RIMS2: variants seen among roughly 807,000 people sequenced by gnomAD.
RIMS2 encodes regulating synaptic membrane exocytosis protein 2.
RIMS2 carries 59 observed loss-of-function variants against 174.4 expected under a neutral mutation model. The observed-to-expected ratio is 0.34, with a 90% CI of 0.27 to 0.42. The LOEUF (loss-of-function observed/expected upper bound fraction) is 0.42. RIMS2 is among the 10% of genes least tolerant of loss of function. The pLI is 1.00. For missense variants in RIMS2, 1,620 were observed against 1,666.3 expected, an observed-to-expected ratio of 0.97 and a Z score of 0.48; for synonymous variants, 606 against 572.5, an observed-to-expected ratio of 1.06 and a Z score of -0.84.
chr8:103,787,784 G>A (rs369488023), intron 3 of RIMS2, among the ~76,000 whole-genome samples: 115 of 152,070 alleles, frequency 7.6e-4, no homozygotes, highest in African/African-American at 2.4e-3. Flanking sequence ...TCTTTGTGGC[G>A]TTCTCTGTAT....
rs200481508 is a variant in RIMS2, at chr8:103,518,093, G to T, written c.176+17031G>T. Among the ~76,000 whole-genome samples, 4 of 152,154 alleles carry T rather than the reference G, an allele frequency of 2.6e-5. No homozygotes were observed. The East Asian group carries it at 7.7e-4, about 29-fold the overall frequency. On this transcript the variant is annotated intron_variant, in intron 1 of 23. Coordinates refer to ENST00000504942, the Ensembl canonical transcript of RIMS2. ...GTTTGTTTTAAAGTTGTAGCAAAAT[G>T]GTGGGTATCAGGGACCTAATGACTC...
intron 1 of RIMS2, among the ~76,000 whole-genome samples, chr8:103,518,626 A>C (rs962359229): frequency 5.9e-5 from 9 of 152,042 alleles, no homozygotes; most frequent in Non-Finnish European, 1.0e-4. Flanking sequence ...AATATTTAGA[A>C]TCACCTATGG....
At chr8:103,976,552 T>TTCTTTTC (rs1555075352) in intron 16 of RIMS2, 12 of 143,814 alleles carry the variant, frequency 8.3e-5, no homozygotes, top group Non-Finnish European at 1.5e-4. Flanking sequence ...CTTTTTCTTT[T>TTCTTTTC]TTTTTTTTTT....
In RIMS2 at chr8:103,705,763, C is replaced by T. The variant is rs139336798; in HGVS notation, c.387+8467C>T. Reference sequence around the variant, plus strand: ...GCTGATCTGTTTTGTTTTCTACTTACATGGAATATCTTTTCCATGCATGTA... The same window carrying T: ...GCTGATCTGTTTTGTTTTCTACTTATATGGAATATCTTTTCCATGCATGTA... On this transcript the variant is annotated intron_variant, in intron 2 of 23. Coordinates refer to ENST00000504942, the Ensembl canonical transcript of RIMS2. 2.0e-3 allele frequency among the ~76,000 whole-genome samples: 298 copies of T among 151,458 alleles called. 2 individuals are homozygous for T. Among genetic ancestry groups the T allele is most frequent in the African/African-American group, 6.7e-3 (276 of 41,398 alleles).
At chr8:103,637,623 T>A (rs1409927499) in intron 1 of RIMS2, among the ~76,000 whole-genome samples, 1 of 152,146 alleles carries the variant, frequency 6.6e-6, no homozygotes, top group Non-Finnish European at 1.5e-5. Flanking sequence ...TTTAGGAGAG[T>A]TGCAAAGATG....
rs141230032 is a variant in RIMS2, at chr8:103,705,679, C to T, written c.387+8383C>T. On this transcript the variant is annotated intron_variant, in intron 2 of 23. Transcript: ENST00000504942. The stretch of plus-strand genomic sequence containing the variant: ...CAGTTTTTATATCTCTTGAATTGAC[C>T]CCTGTATCATTAAATAATGCCATTT... 3.3e-5 allele frequency among the ~76,000 whole-genome samples: 5 copies of T among 151,932 alleles called. No individual in the cohort carries two copies. The East Asian group carries it at 9.7e-4, about 29-fold the overall frequency.
chr8:104,234,079 G>A (rs192714694), intron 19 of RIMS2, among the ~76,000 whole-genome samples: 7 of 152,246 alleles, frequency 4.6e-5, no homozygotes, highest in Admixed American at 1.3e-4. Context: ...AAACTGTGCA[G>A]ATTATAGGAT....
rs145631503 is a variant in RIMS2 at position 104,203,461 on chromosome 8, T to C, written c.3335-41455T>C. On this transcript the variant is annotated intron_variant, in intron 19 of 23. Transcript: ENST00000504942. ...CCAATTGAATTTTTAATACAAGTTT[T>C]AGGAGTTATTAGACATGGGACTAGA... Among the ~76,000 whole-genome samples, 991 of 151,572 alleles carry C rather than the reference T, an allele frequency of 6.5e-3. 5 individuals carry two copies. Among genetic ancestry groups the C allele is most frequent in the Non-Finnish European group, 9.7e-3 (661 of 67,900 alleles).
In RIMS2 at chr8:103,682,050, G is replaced by A. The variant is rs2096886653; in HGVS notation, c.177-15036G>A. Among the ~76,000 whole-genome samples the A allele has an allele frequency of 5.9e-5, 9 of 152,128 alleles. No individual in the cohort carries two copies. The South Asian group carries it at 1.9e-3, about 32-fold the overall frequency. ...GATTTCAGGCCTGTATAATTGAATG[G>A]TGGCACCATTTTACTGATATGGGGA... On this transcript the variant is annotated intron_variant, in intron 1 of 23. Coordinates refer to ENST00000504942, the Ensembl canonical transcript of RIMS2.
At chr8:104,084,467 A>G (rs1326675042) in intron 19 of RIMS2, among the ~76,000 whole-genome samples, 1 of 150,374 alleles carries the variant, frequency 6.7e-6, no homozygotes, top group African/African-American at 2.5e-5. Context: ...CTAAAGTAGA[A>G]TAGTTTCAAG....
At chr8:103,673,685 C>G (rs887658868) in intron 1 of RIMS2, among the ~76,000 whole-genome samples, 1 of 152,134 alleles carries the variant, frequency 6.6e-6, no homozygotes, top group Non-Finnish European at 1.5e-5. Flanking sequence ...GATAGGTGGG[C>G]CCGCCATGAA....
chr8:103,987,301 C>T lies in RIMS2; in HGVS notation c.2928-2004C>T, dbSNP rs1351549852. ...TTAAGAAGCCCATTTTAGTTACAAACGTATGTAAAAAATCTTACTTTAAGT... is the reference window on the plus strand; with the variant it reads ...TTAAGAAGCCCATTTTAGTTACAAATGTATGTAAAAAATCTTACTTTAAGT... On this transcript the variant is annotated intron_variant, in intron 16 of 23. Coordinates refer to ENST00000504942, the Ensembl canonical transcript of RIMS2. 1.5e-4 allele frequency among the ~76,000 whole-genome samples: 22 copies of T among 151,720 alleles called. No individual in the cohort carries two copies. In the East Asian group the frequency reaches 3.3e-3, roughly 23 times the overall value.
intron 2 of RIMS2, among the ~76,000 whole-genome samples, chr8:103,740,633 T>C (rs2097752827): frequency 6.6e-6 from 1 of 152,186 alleles, no homozygotes; most frequent in African/African-American, 2.4e-5. Context: ...TCGAATAACC[T>C]GTTACTTTCT....
rs145392106 is a variant in RIMS2 at position 104,011,412 on chromosome 8, A to G, written c.3045-2030A>G. On this transcript the variant is annotated intron_variant, in intron 17 of 23. Transcript: ENST00000504942. ...AAAATATATAAGTAAAATGTAAAAG[A>G]TGGGTTAATTTTCAAACAACTTTTT... Among the ~76,000 whole-genome samples, 164 of 152,204 alleles carry G rather than the reference A, an allele frequency of 1.1e-3. 1 individual carries two copies. The Middle Eastern group carries it at 0.017, about 16-fold the overall frequency.
intron 3 of RIMS2, among the ~76,000 whole-genome samples, chr8:103,785,439 A>G (rs1189895932): frequency 1.3e-5 from 2 of 151,440 alleles, no homozygotes; most frequent in South Asian, 4.2e-4. Flanking sequence ...TTTGAGATAC[A>G]TCCCATCAAT....
At chr8:103,684,137 T>G (rs1244818842) in intron 1 of RIMS2, among the ~76,000 whole-genome samples, 1 of 152,192 alleles carries the variant, frequency 6.6e-6, no homozygotes, top group Non-Finnish European at 1.5e-5. Flanking sequence ...TGAGTGAGTT[T>G]TGACAAACAT....
rs190690561 is a variant in RIMS2 at position 103,773,499 on chromosome 8, G to A, written c.698+6962G>A. 1.4e-3 allele frequency among the ~76,000 whole-genome samples: 213 copies of A among 152,312 alleles called. 1 individual carries two copies. Among genetic ancestry groups the A allele is most frequent in the African/African-American group, 4.8e-3 (198 of 41,568 alleles). ...AATCCCAGCACTTTGGAAGGCAGAG[G>A]CAGGCAGATCATCTGAGGTCAGGAG... On this transcript the variant is annotated intron_variant, in intron 3 of 23. Transcript: ENST00000504942.
At chr8:103,972,013 T>G (rs1335238834) in intron 15 of RIMS2, among the ~76,000 whole-genome samples, 1 of 152,240 alleles carries the variant, frequency 6.6e-6, no homozygotes, top group Non-Finnish European at 1.5e-5. Context: ...GGATCTTTTC[T>G]CTATCTTACT....
intron 1 of RIMS2, among the ~76,000 whole-genome samples, chr8:103,668,566 G>A: frequency 9.7e-6 from 1 of 102,760 alleles, no homozygotes; most frequent in Admixed American, 8.2e-5. Context: ...CAGTTTGTAA[G>A]TGTGTGTGTG....
Sources: allele counts gnomAD v4.1 joint callset (sites outside exome capture counted in the v4.1 genomes callset), GRCh38; gene constraint gnomAD v4.1.1; transcripts MANE v1.5; gene names NCBI Gene and HGNC (gene_info 2026-07-23, HGNC 2026-07-21).